The following SZT2 variants were observed in gnomAD, a reference collection of about 807,000 sequenced individuals.
The protein encoded by SZT2 is KICSTOR complex protein SZT2.
Under a neutral mutation model 404.2 loss-of-function variants are expected in SZT2, and 216 were observed. The ratio of observed to expected loss-of-function variants is 0.53; its 90% CI spans 0.48 to 0.60. The LOEUF (loss-of-function observed/expected upper bound fraction) is 0.60. SZT2 is among the 20% of genes least tolerant of loss of function. SZT2 has a pLI of 0.00. For synonymous variants in SZT2, 1,693 were observed against 1,749.9 expected, an observed-to-expected ratio of 0.97 and a Z score of 0.81; for missense variants, 3,857 against 4,459.2, an observed-to-expected ratio of 0.86 and a Z score of 3.85.
Position 43,453,720 on chromosome 1 carries a change from C to G in SZT2, c.*3240C>G. 2 of 1,391,964 alleles carry G rather than the reference C, an allele frequency of 1.4e-6. No homozygotes were observed. The highest frequency in any genetic ancestry group is 1.8e-6 in the Non-Finnish European group (2 of 1,084,358). 86.2% of individuals were successfully genotyped at this position (1,391,964 alleles called of 1,614,324 possible). A position where few individuals can be genotyped will look rare whatever the true frequency, so the allele number is the denominator to read the frequency against. On this transcript the variant is annotated 3_prime_UTR_variant, in exon 72 of 72. Transcript: ENST00000634258. ...CTCGAAGCCCGAGCTGCCCGCGGCC[C>G]GCACCCGCGCGGGGAGGCCGGAGAG...
Position 43,441,205 on chromosome 1 carries a change from T to C in SZT2, c.7345-9T>C. 14 of 1,612,962 alleles carry C rather than the reference T, an allele frequency of 8.7e-6. No individual in the cohort carries two copies. Among genetic ancestry groups the C allele is most frequent in the Non-Finnish European group, 1.2e-5 (14 of 1,179,140 alleles). ...AGTAGCCCTTCCTCATTCACTGCAT[T>C]GCCCCCAGAGTAAAACAGAATGTGG... On this transcript the variant is annotated splice_polypyrimidine_tract_variant and intron_variant, in intron 52 of 71. Coordinates refer to ENST00000634258, the MANE Select transcript of SZT2 (RefSeq NM_001365999.1). This position sits in a 1 kb window ranked among gnomAD's most constrained non-coding sequence, Gnocchi z 4.8.
chr1:43,394,588 T>C (rs756214650), intron 1 of SZT2, among the ~76,000 whole-genome samples: 1 of 152,224 alleles, frequency 6.6e-6, no homozygotes, highest in Non-Finnish European at 1.5e-5. Context: ...TTTGAAAATA[T>C]AGTTGTTGGG....
At chr1:43,392,478 G>A (rs370036341) in intron 1 of SZT2, among the ~76,000 whole-genome samples, 1 of 150,638 alleles carries the variant, frequency 6.6e-6, no homozygotes, top group African/African-American at 2.4e-5. Flanking sequence ...GCAGTGGTGC[G>A]ATCTTGGCTC....
chr1:43,411,009 A>G (rs1017073433), intron 4 of SZT2, among the ~76,000 whole-genome samples: 3 of 151,796 alleles, frequency 2.0e-5, no homozygotes, highest in African/African-American at 7.3e-5. Flanking sequence ...GAAAATGCCA[A>G]CCCCCAGTAC....
intron 40 of SZT2, 76 bp downstream of exon 40, chr1:43,433,266 GTGT>G: frequency 6.7e-7 from 1 of 1,503,750 alleles, no homozygotes; most frequent in East Asian, 2.3e-5. Context: ...CCTCTCTCCA[GTGT>G]TGTTAGAAGT....
In SZT2 at chr1:43,427,422, T is replaced by A. The variant is rs376947275; in HGVS notation, c.3575T>A (p.Val1192Asp). The change falls in exon 25 of 72, where the codon GTC (valine) becomes GAC (aspartate). Residue 1192 changes from valine to aspartate, a missense_variant. Val to Asp is a radical substitution (Grantham distance 152). Coordinates refer to ENST00000634258, the MANE Select transcript of SZT2 (RefSeq NM_001365999.1). Reference protein sequence around the residue: ...GIKATKSHVPVLSVTLASDNA... With the variant: ...GIKATKSHVPDLSVTLASDNA... Reference sequence around the variant, plus strand: ...AAAGCTACAAAGTCCCACGTCCCTGTCCTCAGTGTGACCCTGGCTAGTGGT... The same window carrying A: ...AAAGCTACAAAGTCCCACGTCCCTGACCTCAGTGTGACCCTGGCTAGTGGT... 2 of 1,613,250 alleles carry A rather than the reference T, an allele frequency of 1.2e-6. 1 individual carries two copies. Among genetic ancestry groups the A allele is most frequent in the Non-Finnish European group, 1.7e-6 (2 of 1,179,518 alleles).
rs79351309 is a variant in SZT2, at chr1:43,430,735, C to T, written c.4720C>T (p.Arg1574Trp). The stretch of plus-strand genomic sequence containing the variant: ...CTTCCTGCACCTCACGTGCTCCGTG[C>T]GGCTACGTGGGCAGCACAGCTCAGT... ...PLFLHLTCSV[R>W]LRGQHSSVPV... The change falls in exon 32 of 72, where the codon CGG becomes TGG. Residue 1574 changes from arginine to tryptophan, a missense_variant. Arg to Trp is a moderately radical substitution (Grantham distance 101, BLOSUM62 -3). Transcript: ENST00000634258. The T allele has an allele frequency of 2.0e-4, 317 of 1,612,856 alleles. No homozygotes were observed. In the East Asian group the frequency reaches 6.4e-3, roughly 33 times the overall value.
intron 1 of SZT2, among the ~76,000 whole-genome samples, chr1:43,399,562 C>T (rs927324980): frequency 6.6e-5 from 10 of 150,452 alleles, no homozygotes; most frequent in East Asian, 2.0e-4. Flanking sequence ...CCCGGGTTCA[C>T]GCCATTCTCC....
chr1:43,432,654 C>T, intron 38 of SZT2, 50 bp downstream of exon 38: 1 of 1,612,764 alleles, frequency 6.2e-7, no homozygotes, highest in Non-Finnish European at 8.5e-7. Flanking sequence ...AGATCCCTGA[C>T]CATGCTTCCA....
chr1:43,416,734 G>A (rs1326368205), intron 7 of SZT2, 93 bp downstream of exon 7: 3 of 1,008,236 alleles, frequency 3.0e-6, no homozygotes, highest in African/African-American at 3.2e-5. Flanking sequence ...TGATTTCCCA[G>A]ATAAAGTCAA....
Position 43,451,434 on chromosome 1 carries a change from C to A in SZT2, c.*954C>A. Reference sequence around the variant, plus strand: ...CCTCGAGGCTGATACTCACAGCCCACGAAGCCTTTGTAGCCTTCATCTTCC... The same window carrying A: ...CCTCGAGGCTGATACTCACAGCCCAAGAAGCCTTTGTAGCCTTCATCTTCC... On this transcript the variant is annotated 3_prime_UTR_variant, in exon 72 of 72. Coordinates refer to ENST00000634258, the MANE Select transcript of SZT2 (RefSeq NM_001365999.1). 6.2e-7 allele frequency: 1 copy of A among 1,613,608 alleles called. No individual in the cohort carries two copies. The highest frequency in any genetic ancestry group is 8.5e-7 in the Non-Finnish European group (1 of 1,180,024).
rs932739978 is a variant in SZT2 at position 43,442,011 on chromosome 1, C to T, written c.7754C>T (p.Pro2585Leu). The change falls in exon 56 of 72, where the codon CCA becomes CTA. Residue 2585 changes from proline to leucine, a missense_variant. By Grantham distance (98) the Pro-to-Leu change is moderately conservative. Around this residue, in one of 7 missense-constraint regions of SZT2, gnomAD observed 573 missense variants for 592.4 expected, o/e 0.97. Transcript: ENST00000634258. This position sits in a 1 kb window ranked among gnomAD's most constrained non-coding sequence, Gnocchi z 4.5. ...RIFEQHLGSE[P>L]EIFGPCSPGQ... Reference sequence around the variant, plus strand: ...CTCCCTTTCAATAGGGGTTCAGAGCCAGAGATCTTCGGCCCTTGTTCCCCT... The same window carrying T: ...CTCCCTTTCAATAGGGGTTCAGAGCTAGAGATCTTCGGCCCTTGTTCCCCT... 16 of 1,613,038 alleles carry T rather than the reference C, an allele frequency of 9.9e-6. No individual in the cohort carries two copies. Among genetic ancestry groups the T allele is most frequent in the Non-Finnish European group, 1.3e-5 (15 of 1,179,388 alleles).
At position 43,422,524 on chromosome 1, in the gene SZT2, A is replaced by G. The variant is rs771205806; in HGVS notation, c.1814A>G (p.Tyr605Cys). Reference sequence around the variant, plus strand: ...CACACCCCGGGCAGCAATGGGCGCTACAGCACTATCCAGTGCAGGATCTCC... The same window carrying G: ...CACACCCCGGGCAGCAATGGGCGCTGCAGCACTATCCAGTGCAGGATCTCC... The part of the protein sequence containing the change: ...HLHTPGSNGR[Y>C]STIQCRISHS... The change falls in exon 13 of 72, where the codon TAC becomes TGC. Residue 605 changes from tyrosine to cysteine, a missense_variant. By Grantham distance (194) the Tyr-to-Cys change is radical. Transcript: ENST00000634258. The G allele has an allele frequency of 2.5e-6, 4 of 1,597,700 alleles. No homozygotes were observed. In the Admixed American group the frequency reaches 6.7e-5, roughly 27 times the overall value.
In SZT2 at chr1:43,423,230, A is replaced by AC; in HGVS notation, c.2175dup (p.Val726ArgfsTer10). Reference sequence around the variant, plus strand: ...GTGGGGGCAGCTCTCCCTCCAAGTCACCCCCCGTGCTGGGGCCACAGCAGG... The same window carrying AC: ...GTGGGGGCAGCTCTCCCTCCAAGTCACCCCCCCGTGCTGGGGCCACAGCAGG... On this transcript the variant is annotated frameshift_variant, in exon 15 of 72. Coordinates refer to ENST00000634258, the MANE Select transcript of SZT2 (RefSeq NM_001365999.1). LOFTEE classifies it high-confidence loss of function. 6.3e-7 allele frequency: 1 copy of AC among 1,592,810 alleles called. No individual in the cohort carries two copies. Among genetic ancestry groups the AC allele is most frequent in the Non-Finnish European group, 8.5e-7 (1 of 1,176,804 alleles).
In SZT2 at chr1:43,451,204, G is replaced by A. The variant is rs977773312; in HGVS notation, c.*724G>A. ...CAGAGGAGGAGATGGGATGTCACTC[G>A]CTGTCTGGAGGCACGTGGGTGGTGT... On this transcript the variant is annotated 3_prime_UTR_variant, in exon 72 of 72. Transcript: ENST00000634258. 15 of 1,593,724 alleles carry A rather than the reference G, an allele frequency of 9.4e-6. No individual in the cohort carries two copies. Among genetic ancestry groups the A allele is most frequent in the East Asian group, 4.5e-5 (2 of 44,782 alleles).
At position 43,389,905 on chromosome 1, in the gene SZT2, G is replaced by A; in HGVS notation, c.-64G>A. On this transcript the variant is annotated 5_prime_UTR_variant, in exon 1 of 72. Transcript: ENST00000634258. ...CCGGTTCCTGCTGGGTGCCGAGGTA[G>A]CGAGGTCAGGGGTCAAGAGTGGAAC... 6.4e-7 allele frequency: 1 copy of A among 1,565,142 alleles called. No individual in the cohort carries two copies. Among genetic ancestry groups the A allele is most frequent in the Non-Finnish European group, 8.6e-7 (1 of 1,156,470 alleles).
intron 52 of SZT2, among the ~76,000 whole-genome samples, chr1:43,440,790 C>T (rs542303782): frequency 6.6e-6 from 1 of 152,226 alleles, no homozygotes; most frequent in Admixed American, 6.5e-5. Context: ...TGCTTCAGGC[C>T]AAGAGTTCAA....
In SZT2 at chr1:43,425,329, T is replaced by C; in HGVS notation, c.2645+122T>C. 1.3e-6 allele frequency: 2 copies of C among 1,500,564 alleles called. No individual in the cohort carries two copies. Among genetic ancestry groups the C allele is most frequent in the Non-Finnish European group, 1.8e-6 (2 of 1,093,894 alleles). 93.0% of individuals were successfully genotyped at this position (1,500,564 alleles called of 1,614,324 possible). ...TCCCAAAGTCAGGGAGGGGGTGCGG[T>C]GTTTAGATGCTTCATCAGGCAGACG... On this transcript the variant is annotated intron_variant, in intron 18 of 71. Coordinates refer to ENST00000634258, the MANE Select transcript of SZT2 (RefSeq NM_001365999.1). The surrounding 1 kb of genome is among the most constrained non-coding windows in gnomAD (Gnocchi z 4.3).
At chr1:43,406,277 T>C in intron 4 of SZT2, 1 of 329,202 alleles carries the variant, frequency 3.0e-6, no homozygotes, top group Non-Finnish European at 5.9e-6. Context: ...TTGTTTTTTT[T>C]GGTAGAGACA....
Sources: gnomAD v4.1 joint callset for allele counts (sites outside exome capture counted in the v4.1 genomes callset) on GRCh38, gnomAD v4.1.1 for gene constraint, gnomAD v4.1.1 regional missense constraint, Gnocchi (gnomAD v3.1) non-coding constraint, MANE v1.5 for transcripts, NCBI Gene and HGNC (gene_info 2026-07-23, HGNC 2026-07-21) for gene names.